The following SENP3 variants were observed in gnomAD, a reference collection of about 807,000 sequenced individuals.
SENP3 encodes sentrin-specific protease 3.
A neutral mutation model predicts 66.2 loss-of-function variants in SENP3; 11 were observed. That is an observed-to-expected ratio of 0.17 (90% confidence interval 0.10 to 0.28). The LOEUF (loss-of-function observed/expected upper bound fraction) is 0.28, where lower values mean the gene tolerates loss of function less well. SENP3 is among the 10% of genes least tolerant of loss of function. The probability of loss-of-function intolerance (pLI) is 1.00; values close to 1 mark genes in which losing one functional copy is unlikely to be tolerated. For synonymous variants in SENP3, 292 were observed against 277.6 expected, an observed-to-expected ratio of 1.05 and a Z score of -0.52; for missense variants, 548 against 743.7, an observed-to-expected ratio of 0.74 and a Z score of 3.06.
chr17:7,565,965 T>C (rs2071264109), intron 6 of SENP3: 2 of 549,312 alleles, frequency 3.6e-6, no homozygotes, highest in Admixed American at 6.3e-5. Context: ...CAGTATTTAG[T>C]GTTTTTCGCT....
intron 2 of SENP3, 188 bp from the exon 3 acceptor site, chr17:7,564,437 A>G (rs1222036843): frequency 1.3e-6 from 1 of 787,186 alleles, no homozygotes; most frequent in African/African-American, 1.7e-5. Context: ...TCCCTGTAGA[A>G]TCTCTTGGAC....
In SENP3 at chr17:7,565,373, G is replaced by A. The variant is rs942712919; in HGVS notation, c.1068-67G>A. On this transcript the variant is annotated intron_variant, in intron 4 of 10. Transcript: ENST00000321337. ...TCAGTTAGAATTTGTATTCCAGGGA[G>A]TAGTAGGTATTTCTGTGTGCCCCAG... 6.4e-6 allele frequency: 10 copies of A among 1,566,624 alleles called. No individual in the cohort carries two copies. In the African/African-American group the frequency reaches 9.5e-5, roughly 15 times the overall value.
In SENP3 at chr17:7,570,990, C is replaced by G; in HGVS notation, c.1614+57C>G. On this transcript the variant is annotated intron_variant, in intron 10 of 10. Transcript: ENST00000321337. The surrounding 1 kb of genome is among the most constrained non-coding windows in gnomAD (Gnocchi z 5.4). ...TCTGAAGTCAGTTGGGTTAAAGGGT[C>G]GGGAGGCTGTTATGCATCCCCTCAT... 2.7e-6 allele frequency: 4 copies of G among 1,508,584 alleles called. No homozygotes were observed. The highest frequency in any genetic ancestry group is 3.6e-6 in the Non-Finnish European group (4 of 1,097,436). 93.4% of individuals were successfully genotyped at this position (1,508,584 alleles called of 1,614,324 possible). A position where few individuals can be genotyped will look rare whatever the true frequency, so the allele number is the denominator to read the frequency against.
intron 7 of SENP3, among the ~76,000 whole-genome samples, chr17:7,568,038 C>G (rs2071281475): frequency 6.6e-6 from 1 of 150,644 alleles, no homozygotes; most frequent in South Asian, 2.1e-4. Flanking sequence ...CTGACAGGCT[C>G]TGTGATACTG....
rs1267152299 is a variant in SENP3, at chr17:7,563,124, T to C, written c.48T>C (p.Pro16=). ...QGTGSWGPEP[P]GPGIPPAYSS... is the part of the protein sequence containing the mutation. ...CCGGGTCCTGGGGGCCTGAGCCTCC[T>C]GGACCCGGCATACCCCCAGCTTACT... Residue 16 remains proline (P), a synonymous_variant, in exon 2 of 11, where the codon CCT becomes CCC. Coordinates refer to ENST00000321337, the MANE Select transcript of SENP3 (RefSeq NM_015670.6). 3 of 1,525,732 alleles carry C rather than the reference T, an allele frequency of 2.0e-6. No individual in the cohort carries two copies. The highest frequency in any genetic ancestry group is 2.6e-6 in the Non-Finnish European group (3 of 1,139,074). 94.5% of individuals were successfully genotyped at this position (1,525,732 alleles called of 1,614,324 possible). A position where few individuals can be genotyped will look rare whatever the true frequency, so the allele number is the denominator to read the frequency against.
chr17:7,571,946 A>C lies in SENP3; in HGVS notation c.*463A>C. ...ATGCCACGGTCCTGCTCTGGTCAAT[A>C]AAGGATCCTTTGTTGATACGTAAGT... On this transcript the variant is annotated 3_prime_UTR_variant, in exon 11 of 11. Transcript: ENST00000321337. 3 of 133,056 alleles carry C rather than the reference A, an allele frequency of 2.3e-5. No individual in the cohort carries two copies. Among genetic ancestry groups the C allele is most frequent in the African/African-American group, 3.0e-5 (1 of 33,140 alleles). 8.2% of individuals were successfully genotyped at this position (133,056 alleles called of 1,614,324 possible).
Position 7,561,968 on chromosome 17 carries a change from G to A in SENP3, c.-307G>A, listed in dbSNP as rs936477245. 2.8e-5 allele frequency: 11 copies of A among 394,826 alleles called. No homozygotes were observed. The Admixed American group carries it at 4.9e-4, about 18-fold the overall frequency. 24.5% of individuals were successfully genotyped at this position (394,826 alleles called of 1,614,324 possible). On this transcript the variant is annotated 5_prime_UTR_variant, in exon 1 of 11. Coordinates refer to ENST00000321337, the MANE Select transcript of SENP3 (RefSeq NM_015670.6). The surrounding 1 kb of genome is among the most constrained non-coding windows in gnomAD (Gnocchi z 4.4). ...GCTGCCGGTGGGCCCGGGGCTCGCGGGAGGGGAAGGAGGAGGGGGGGAGGA... is the reference window on the plus strand; with the variant it reads ...GCTGCCGGTGGGCCCGGGGCTCGCGAGAGGGGAAGGAGGAGGGGGGGAGGA...
chr17:7,569,384 CA>C (rs1283964746), intron 7 of SENP3, among the ~76,000 whole-genome samples: 80 of 106,640 alleles, frequency 7.5e-4, no homozygotes, highest in Middle Eastern at 5.1e-3. Context: ...GACTCCGTCT[CA>C]AAAAAAAAAA....
Position 7,561,995 on chromosome 17 carries a change from T to TGGCGGC in SENP3, c.-271_-266dup, listed in dbSNP as rs1041808771. ...AGGGGAAGGAGGAGGGGGGGAGGAG[T>TGGCGGC]GGCGGCGGCGGCGGTGGCGCTGGTG... On this transcript the variant is annotated 5_prime_UTR_variant, in exon 1 of 11. Transcript: ENST00000321337. The surrounding 1 kb of genome is among the most constrained non-coding windows in gnomAD (Gnocchi z 4.4). 7 of 388,512 alleles carry TGGCGGC rather than the reference T, an allele frequency of 1.8e-5. No individual in the cohort carries two copies. The highest frequency in any genetic ancestry group is 6.5e-5 in the African/African-American group (3 of 45,926). 24.1% of individuals were successfully genotyped at this position (388,512 alleles called of 1,614,324 possible).
intron 2 of SENP3, 25 bp downstream of exon 2, chr17:7,563,816 T>TGGGGG: frequency 6.6e-7 from 1 of 1,525,258 alleles, no homozygotes; most frequent in Non-Finnish European, 8.9e-7. Context: ...GGGTGTGGGG[T>TGGGGG]TGCGGGGGAG....
chr17:7,562,953 T>C lies in SENP3; in HGVS notation c.-11-113T>C. 2 of 1,313,650 alleles carry C rather than the reference T, an allele frequency of 1.5e-6. No homozygotes were observed. The highest frequency in any genetic ancestry group is 1.9e-6 in the Non-Finnish European group (2 of 1,034,154). 81.4% of individuals were successfully genotyped at this position (1,313,650 alleles called of 1,614,324 possible). A position where few individuals can be genotyped will look rare whatever the true frequency, so the allele number is the denominator to read the frequency against. ...TCTTAAGTTAGGAGTTTTGCGTTTT[T>C]TCCTCTTTTCTTTATTTGCATCTGA... On this transcript the variant is annotated intron_variant, in intron 1 of 10. Coordinates refer to ENST00000321337, the MANE Select transcript of SENP3 (RefSeq NM_015670.6). This position sits in a 1 kb window ranked among gnomAD's most constrained non-coding sequence, Gnocchi z 5.0.
chr17:7,567,030 G>C, intron 7 of SENP3, 26 bp downstream of exon 7: 1 of 1,394,830 alleles, frequency 7.2e-7, no homozygotes, highest in Non-Finnish European at 1.0e-6. Flanking sequence ...ACATCCACTT[G>C]TGTAATGCCT....
chr17:7,568,529 C>T (rs1160000936), intron 7 of SENP3, among the ~76,000 whole-genome samples: 1 of 152,086 alleles, frequency 6.6e-6, no homozygotes, highest in Non-Finnish European at 1.5e-5. Flanking sequence ...GCAGAGGTTG[C>T]AGTGAGCCGA....
intron 7 of SENP3, among the ~76,000 whole-genome samples, chr17:7,569,235 A>G (rs1046050757): frequency 4.6e-5 from 7 of 151,850 alleles, no homozygotes; most frequent in Admixed American, 3.3e-4. Flanking sequence ...AATACAAAAA[A>G]TTAGCCGGGC....
At position 7,570,364 on chromosome 17, in the gene SENP3, C is replaced by T. The variant is rs2071303078; in HGVS notation, c.1350C>T (p.Ile450=). ...GVKRWTKNVD[I]FNKELLLIPI... ...TGGCACTATCTCTTTAGGTGGACATCTTCAATAAGGAGCTACTGCTAATCC... is the reference window on the plus strand; with the variant it reads ...TGGCACTATCTCTTTAGGTGGACATTTTCAATAAGGAGCTACTGCTAATCC... Residue 450 remains isoleucine (I), a synonymous_variant, in exon 8 of 11, where the codon ATC becomes ATT. Coordinates refer to ENST00000321337, the MANE Select transcript of SENP3 (RefSeq NM_015670.6). This position sits in a 1 kb window ranked among gnomAD's most constrained non-coding sequence, Gnocchi z 5.4. The T allele has an allele frequency of 6.2e-7, 1 of 1,613,206 alleles. No individual in the cohort carries two copies.
At position 7,564,878 on chromosome 17, in the gene SENP3, A is replaced by G. The variant is rs764608104; in HGVS notation, c.955+14A>G. On this transcript the variant is annotated intron_variant, in intron 3 of 10. Coordinates refer to ENST00000321337, the MANE Select transcript of SENP3 (RefSeq NM_015670.6). Reference sequence around the variant, plus strand: ...CCTGCGTACAGAGTAAGGAGCCCTTAAGCAACTAGCCTCTCTCCCTTCTCC... The same window carrying G: ...CCTGCGTACAGAGTAAGGAGCCCTTGAGCAACTAGCCTCTCTCCCTTCTCC... 6 of 1,603,288 alleles carry G rather than the reference A, an allele frequency of 3.7e-6. No homozygotes were observed. Among genetic ancestry groups the G allele is most frequent in the East Asian group, 2.2e-5 (1 of 44,586 alleles).
At chr17:7,565,987 C>A in intron 6 of SENP3, 2 of 498,580 alleles carry the variant, frequency 4.0e-6, no homozygotes, top group Non-Finnish European at 7.2e-6. Context: ...TGGCCAGCCC[C>A]AAGGATTGGG....
chr17:7,567,540 G>C (rs900241934), intron 7 of SENP3, among the ~76,000 whole-genome samples: 7 of 151,640 alleles, frequency 4.6e-5, no homozygotes, highest in Non-Finnish European at 1.0e-4. Context: ...AAAAATCACA[G>C]TAATGTCATA....
intron 4 of SENP3, 38 bp downstream of exon 4, chr17:7,565,108 G>A (rs762458799): frequency 7.0e-7 from 1 of 1,434,474 alleles, no homozygotes; most frequent in South Asian, 1.2e-5. Flanking sequence ...AAGGGCTGGG[G>A]CCTTGGGGAT....
Sources: gnomAD v4.1 joint callset for allele counts (sites outside exome capture counted in the v4.1 genomes callset) on GRCh38, gnomAD v4.1.1 for gene constraint, Gnocchi (gnomAD v3.1) non-coding constraint, MANE v1.5 for transcripts, NCBI Gene and HGNC (gene_info 2026-07-23, HGNC 2026-07-21) for gene names.